CADM1: variants seen among roughly 807,000 people sequenced by gnomAD.
The protein encoded by CADM1 is TSLC-1.
A neutral mutation model predicts 53.1 loss-of-function variants in CADM1; 15 were observed. The observed-to-expected ratio is 0.28, with a 90% confidence interval of 0.19 to 0.44. CADM1 has a LOEUF of 0.44. Ranked by LOEUF, CADM1 falls within the 20% of genes least tolerant of loss-of-function variation. The pLI, the probability that CADM1 is intolerant of heterozygous loss-of-function variation, is 1.00. For missense variants in CADM1, 434 were observed against 611.3 expected, an observed-to-expected ratio of 0.71 and a Z score of 3.06; for synonymous variants, 281 against 243.0, an observed-to-expected ratio of 1.16 and a Z score of -1.45.
chr11:115,308,063 T>G (rs993888483), intron 1 of CADM1, among the ~76,000 whole-genome samples: 1 of 151,030 alleles, frequency 6.6e-6, no homozygotes, highest in African/African-American at 2.4e-5. Flanking sequence ...AGAAAAAAAA[T>G]TTTTGCTCAA....
intron 10 of CADM1, among the ~76,000 whole-genome samples, chr11:115,186,010 C>T (rs567478054): frequency 2.0e-5 from 3 of 152,262 alleles, no homozygotes; most frequent in East Asian, 1.9e-4. Flanking sequence ...GAAAAGTTCC[C>T]GTTTGATGGT....
intron 1 of CADM1, among the ~76,000 whole-genome samples, chr11:115,308,139 C>G (rs868558943): frequency 0.01 from 1,236 of 120,720 alleles, 8 homozygotes; most frequent in African/African-American, 0.025. Context: ...CAAACTCTCT[C>G]TCTGTGTGTG....
chr11:115,191,013 G>T, intron 9 of CADM1, 72 bp from the exon 10 acceptor site: 1 of 1,271,830 alleles, frequency 7.9e-7, no homozygotes, highest in Non-Finnish European at 1.1e-6. Flanking sequence ...AAGAACTGAG[G>T]ATGAATTTCT....
chr11:115,404,605 CAT>C (rs1206128090), intron 1 of CADM1, among the ~76,000 whole-genome samples: 1 of 149,254 alleles, frequency 6.7e-6, no homozygotes, highest in Admixed American at 6.7e-5. Flanking sequence ...CAAAAAATAA[CAT>C]AAATAAAAAT....
intron 1 of CADM1, among the ~76,000 whole-genome samples, chr11:115,308,211 T>TATATAC (rs139012671): frequency 3.6e-5 from 5 of 139,384 alleles, no homozygotes; most frequent in African/African-American, 1.1e-4. Context: ...TATATATATA[T>TATATAC]ACACACCTAT....
At chr11:115,374,841 T>C (rs963336583) in intron 1 of CADM1, among the ~76,000 whole-genome samples, 2 of 151,568 alleles carry the variant, frequency 1.3e-5, no homozygotes, top group African/African-American at 4.8e-5. Context: ...GAAGAAGCTA[T>C]AGGCTAAGAA....
At chr11:115,289,783 G>C (rs183917276) in intron 1 of CADM1, among the ~76,000 whole-genome samples, 65 of 152,026 alleles carry the variant, frequency 4.3e-4, no homozygotes, top group African/African-American at 1.5e-3. Context: ...TTTTAGTAGA[G>C]AGGGGTTTTC....
intron 1 of CADM1, among the ~76,000 whole-genome samples, chr11:115,459,900 A>T (rs968693975): frequency 1.3e-5 from 2 of 152,040 alleles, no homozygotes; most frequent in African/African-American, 4.8e-5. Context: ...GCCTTTCCAT[A>T]CTCAGGCCAG....
chr11:115,357,625 T>C (rs946761386), intron 1 of CADM1, among the ~76,000 whole-genome samples: 2 of 152,134 alleles, frequency 1.3e-5, no homozygotes, highest in Admixed American at 6.5e-5. Flanking sequence ...AAAATGGGGA[T>C]AACAAAATTG....
At chr11:115,319,708 G>C (rs1224729631) in intron 1 of CADM1, among the ~76,000 whole-genome samples, 2 of 152,110 alleles carry the variant, frequency 1.3e-5, no homozygotes, top group Non-Finnish European at 2.9e-5. Flanking sequence ...GAGCAATTGA[G>C]GCTATAGGTA....
intron 1 of CADM1, among the ~76,000 whole-genome samples, chr11:115,309,984 T>C (rs1355147670): frequency 6.6e-6 from 1 of 152,154 alleles, no homozygotes; most frequent in East Asian, 1.9e-4. Context: ...GATGGGGTAG[T>C]TAATGCAGAA....
intron 1 of CADM1, among the ~76,000 whole-genome samples, chr11:115,277,374 C>T (rs1301836583): frequency 6.6e-6 from 1 of 152,090 alleles, no homozygotes; most frequent in Non-Finnish European, 1.5e-5. Context: ...ACAGAATGTG[C>T]AGAACACTAT....
chr11:115,331,941 A>G (rs1467098500), intron 1 of CADM1, among the ~76,000 whole-genome samples: 1 of 150,734 alleles, frequency 6.6e-6, no homozygotes, highest in East Asian at 1.9e-4. Context: ...GAAGGATCTG[A>G]TAGATTTCTT....
chr11:115,377,696 CTT>C (rs1443612424), intron 1 of CADM1: 1 of 152,094 alleles, frequency 6.6e-6, no homozygotes, highest in Non-Finnish European at 1.5e-5. Flanking sequence ...AGTATTCTCA[CTT>C]TATTTTTTTC....
intron 1 of CADM1, among the ~76,000 whole-genome samples, chr11:115,440,063 A>G (rs924327729): frequency 6.6e-6 from 1 of 152,230 alleles, no homozygotes; most frequent in African/African-American, 2.4e-5. Flanking sequence ...TTATACTCAT[A>G]AATTACTTAA....
Position 115,238,666 on chromosome 11 carries a change from C to T in CADM1, c.272-14G>A. The T allele has an allele frequency of 6.2e-7, 1 of 1,613,500 alleles. No homozygotes were observed. On this transcript the variant is annotated splice_polypyrimidine_tract_variant and intron_variant, in intron 2 of 11. Transcript: ENST00000331581. ...TGTCCTTCAAAGCTGTGAAACAAAA[C>T]AGAGAGTTAGTGATTGTGAGAAGGT...
At chr11:115,353,153 G>C (rs1194431704) in intron 1 of CADM1, among the ~76,000 whole-genome samples, 1 of 152,166 alleles carries the variant, frequency 6.6e-6, no homozygotes, top group East Asian at 1.9e-4. Context: ...TTTTGTTCAA[G>C]AAAAACGGAA....
intron 10 of CADM1, among the ~76,000 whole-genome samples, chr11:115,184,601 C>T (rs1224410396): frequency 1.3e-5 from 2 of 152,090 alleles, no homozygotes; most frequent in Admixed American, 6.5e-5. Context: ...AGAAAGTGGA[C>T]GAGAAGGAAT....
At position 115,293,153 on chromosome 11, in the gene CADM1, C is replaced by T. The variant is rs45473700; in HGVS notation, c.125-52733G>A. ...TTTTTATAGCTAAAAGATCCAGGGCCGGGTGACGGTGACTCACGCCTGTAA... is the reference window on the plus strand; with the variant it reads ...TTTTTATAGCTAAAAGATCCAGGGCTGGGTGACGGTGACTCACGCCTGTAA... On this transcript the variant is annotated intron_variant, in intron 1 of 11. Coordinates refer to ENST00000331581, the MANE Select transcript of CADM1 (RefSeq NM_001301043.2). 2.2e-3 allele frequency among the ~76,000 whole-genome samples: 334 copies of T among 152,240 alleles called. 1 individual carries two copies. The highest frequency in any genetic ancestry group is 3.3e-3 in the Non-Finnish European group (226 of 68,018).
Sources: allele counts gnomAD v4.1 joint callset (sites outside exome capture counted in the v4.1 genomes callset), GRCh38; gene constraint gnomAD v4.1.1; transcripts MANE v1.5; gene names NCBI Gene and HGNC (gene_info 2026-07-23, HGNC 2026-07-21).